Variants in EIPR1 observed in about 807,000 individuals in gnomAD.
EIPR1 encodes the protein EARP complex and GARP complex interacting protein 1.
A neutral mutation model predicts 48.1 loss-of-function variants in EIPR1; 25 were observed. The observed-to-expected ratio is 0.52, with a 90% CI of 0.38 to 0.73. The LOEUF is 0.73. Ranked by LOEUF, EIPR1 falls within the 30% of genes least tolerant of loss-of-function variation. The probability of loss-of-function intolerance (pLI) is 0.00; values close to 1 mark genes in which losing one functional copy is unlikely to be tolerated. For synonymous variants in EIPR1, 204 were observed against 201.9 expected (o/e 1.01, Z -0.09); for missense variants, 415 against 506.2 (o/e 0.82, Z 1.73).
At chr2:3,259,869 C>T (rs1042694084) in intron 3 of EIPR1, among the ~76,000 whole-genome samples, 3 of 152,152 alleles carry the variant, frequency 2.0e-5, no homozygotes, top group African/African-American at 7.2e-5. Flanking sequence ...AATTGTATAT[C>T]CATATGAAAG....
intron 3 of EIPR1, chr2:3,319,256 G>A (rs373327471): frequency 2.1e-4 from 66 of 307,332 alleles, no homozygotes; most frequent in East Asian, 1.4e-3. Context: ...TGTAGCTGTA[G>A]GTCAGGTGCT....
intron 3 of EIPR1, among the ~76,000 whole-genome samples, chr2:3,259,094 C>G (rs1388075350): frequency 7.9e-5 from 12 of 152,016 alleles, no homozygotes; most frequent in Admixed American, 7.9e-4. Flanking sequence ...ACACACTAAC[C>G]CAACAGAGGT....
At chr2:3,242,284 GCCCCT>G in intron 4 of EIPR1, among the ~76,000 whole-genome samples, 3 of 15,116 alleles carry the variant, frequency 2.0e-4, no homozygotes, top group African/African-American at 3.3e-4. Context: ...GAGATTTCAG[GCCCCT>G]AACTCCACAC....
chr2:3,232,718 T>C, intron 4 of EIPR1, among the ~76,000 whole-genome samples: 1 of 152,156 alleles, frequency 6.6e-6, no homozygotes, highest in East Asian at 1.9e-4. Context: ...TCCCCCATGT[T>C]GAATAGGCCT....
intron 3 of EIPR1, among the ~76,000 whole-genome samples, chr2:3,291,856 A>G (rs945601155): frequency 1.3e-5 from 2 of 152,262 alleles, no homozygotes; most frequent in Non-Finnish European, 2.9e-5. Context: ...TGTAAAGGTA[A>G]GTTGGTCACC....
chr2:3,322,639 G>C (rs978696603), intron 3 of EIPR1, among the ~76,000 whole-genome samples: 1 of 152,192 alleles, frequency 6.6e-6, no homozygotes, highest in African/African-American at 2.4e-5. Flanking sequence ...GCCTTGGGAT[G>C]AATTCCATTG....
chr2:3,320,276 A>G, intron 3 of EIPR1: 1 of 172,876 alleles, frequency 5.8e-6, no homozygotes, highest in Non-Finnish European at 1.2e-5. Context: ...CCTGCAGACA[A>G]CACTATACCT....
intron 2 of EIPR1, among the ~76,000 whole-genome samples, chr2:3,351,223 A>T (rs961677246): frequency 1.3e-5 from 2 of 151,866 alleles, no homozygotes; most frequent in Admixed American, 1.3e-4. Flanking sequence ...CTGGTCTTGA[A>T]CTCTTCATCT....
intron 4 of EIPR1, among the ~76,000 whole-genome samples, chr2:3,250,852 C>T (rs149745110): frequency 5.5e-4 from 84 of 152,268 alleles, no homozygotes; most frequent in African/African-American, 1.8e-3. Context: ...TCACCTTCCA[C>T]GATGGTTGTA....
intron 5 of EIPR1, among the ~76,000 whole-genome samples, chr2:3,198,486 A>T (rs1446354739): frequency 2.0e-5 from 3 of 152,204 alleles, no homozygotes. Context: ...GATGCTTAGG[A>T]AACATTTTTG....
At chr2:3,195,880 T>C (rs1664785489) in intron 6 of EIPR1, among the ~76,000 whole-genome samples, 1 of 152,198 alleles carries the variant, frequency 6.6e-6, no homozygotes, top group African/African-American at 2.4e-5. Context: ...CTGCCAGATG[T>C]CACCCATCAA....
At chr2:3,251,360 T>C (rs1344142247) in intron 4 of EIPR1, among the ~76,000 whole-genome samples, 1 of 152,254 alleles carries the variant, frequency 6.6e-6, no homozygotes, top group Non-Finnish European at 1.5e-5. Context: ...AACAAAGTGA[T>C]GTGGCACTGA....
intron 3 of EIPR1, among the ~76,000 whole-genome samples, chr2:3,333,719 T>G (rs1572455612): frequency 1.5e-5 from 2 of 132,192 alleles, no homozygotes; most frequent in African/African-American, 2.9e-5. Context: ...CCAGACTGGG[T>G]GACAAGAGCC....
At chr2:3,365,422 C>G (rs148003851) in intron 1 of EIPR1, among the ~76,000 whole-genome samples, 1 of 151,782 alleles carries the variant, frequency 6.6e-6, no homozygotes, top group African/African-American at 2.4e-5. Flanking sequence ...CCATGAGCCA[C>G]GATCGCACTA....
intron 3 of EIPR1, among the ~76,000 whole-genome samples, chr2:3,305,404 C>T (rs1446705356): frequency 4.0e-5 from 6 of 150,826 alleles, no homozygotes; most frequent in Admixed American, 6.6e-5. Context: ...CAGTTCAACC[C>T]TCCAATCCCA....
At chr2:3,208,803 C>T (rs868858516) in intron 5 of EIPR1, 1 of 1,549,896 alleles carries the variant, frequency 6.5e-7, no homozygotes, top group African/African-American at 1.4e-5. Flanking sequence ...GGCAGGTCCT[C>T]CTTCTGTGAG....
chr2:3,274,335 T>C (rs746449197), intron 3 of EIPR1: 2 of 1,550,290 alleles, frequency 1.3e-6, no homozygotes, highest in South Asian at 2.4e-5. Flanking sequence ...AGACAGAAAC[T>C]TACAGGTTGC....
At chr2:3,228,187 C>T (rs1013795169) in intron 4 of EIPR1, among the ~76,000 whole-genome samples, 1 of 152,252 alleles carries the variant, frequency 6.6e-6, no homozygotes, top group Non-Finnish European at 1.5e-5. Context: ...GTCGGGTGTA[C>T]CCTGTGAAGC....
rs569668750 is a variant in EIPR1, at chr2:3,259,832, G to C, written c.260-2377C>G. Among the ~76,000 whole-genome samples, 39 of 152,276 alleles carry C rather than the reference G, an allele frequency of 2.6e-4. No individual in the cohort carries two copies. In the South Asian group the frequency reaches 7.3e-3, roughly 28 times the overall value. ...TAACACTCAAGAGTGGAGAAAGGAT[G>C]GTCTTTTCAATAAATGATGCTGGAT... On this transcript the variant is annotated intron_variant, in intron 3 of 8. Coordinates refer to ENST00000382125, the MANE Select transcript of EIPR1 (RefSeq NM_003310.5).
Sources: gnomAD v4.1 joint callset for allele counts (sites outside exome capture counted in the v4.1 genomes callset) on GRCh38, gnomAD v4.1.1 for gene constraint, MANE v1.5 for transcripts, NCBI Gene and HGNC (gene_info 2026-07-23, HGNC 2026-07-21) for gene names.